ANKRD13A: variants seen among roughly 807,000 people sequenced by gnomAD.
ANKRD13A encodes the protein ankyrin repeat domain-containing protein 13A.
A neutral mutation model predicts 81.3 loss-of-function variants in ANKRD13A; 48 were observed. That is an observed-to-expected ratio of 0.59 (90% CI 0.47 to 0.75). The LOEUF (loss-of-function observed/expected upper bound fraction) is 0.75. ANKRD13A is among the 30% of genes least tolerant of loss of function. ANKRD13A has a pLI of 0.00. For synonymous variants in ANKRD13A, 230 were observed against 270.1 expected, an observed-to-expected ratio of 0.85 and a Z score of 1.45; for missense variants, 612 against 734.0, an observed-to-expected ratio of 0.83 and a Z score of 1.92.
intron 1 of ANKRD13A, among the ~76,000 whole-genome samples, chr12:110,011,476 C>G (rs1890520722): frequency 6.6e-6 from 1 of 152,218 alleles, no homozygotes; most frequent in Non-Finnish European, 1.5e-5. Flanking sequence ...TTATGTGCTA[C>G]TTCAAGGCAC....
chr12:110,004,453 T>A (rs1312933545), intron 1 of ANKRD13A, among the ~76,000 whole-genome samples: 1 of 151,594 alleles, frequency 6.6e-6, no homozygotes, highest in Non-Finnish European at 1.5e-5. Flanking sequence ...CCGTCTCTAC[T>A]AAAAATACAA....
At chr12:110,010,193 C>A (rs999133809) in intron 1 of ANKRD13A, among the ~76,000 whole-genome samples, 1 of 152,164 alleles carries the variant, frequency 6.6e-6, no homozygotes, top group Non-Finnish European at 1.5e-5. Flanking sequence ...CCTTACTCTG[C>A]GCTTTTAGTT....
chr12:110,020,320 C>T (rs1373213866), intron 6 of ANKRD13A, among the ~76,000 whole-genome samples: 1 of 152,198 alleles, frequency 6.6e-6, no homozygotes, highest in Non-Finnish European at 1.5e-5. Flanking sequence ...ATGAATATAA[C>T]AACTGTCCTC....
intron 2 of ANKRD13A, 108 bp downstream of exon 2, chr12:110,012,245 G>A: frequency 7.7e-7 from 1 of 1,299,372 alleles, no homozygotes; most frequent in Non-Finnish European, 1.0e-6. Context: ...CATGTCTGTA[G>A]TACCAGCTAC....
chr12:110,030,846 G>A lies in ANKRD13A; in HGVS notation c.1348+88G>A, dbSNP rs367685556. On this transcript the variant is annotated intron_variant, in intron 12 of 14. Transcript: ENST00000261739. ...GTGGTGGCTTATGCCTGTAATCCCAGCACTTTGGGAGGCCGAGGTGGGTGG... is the reference window on the plus strand; with the variant it reads ...GTGGTGGCTTATGCCTGTAATCCCAACACTTTGGGAGGCCGAGGTGGGTGG... 75 of 748,426 alleles carry A rather than the reference G, an allele frequency of 1.0e-4. No homozygotes were observed. The East Asian group carries it at 2.1e-3, about 21-fold the overall frequency. The allele number at this position is 748,426 out of a possible 1,614,324, so 46.4% of individuals were successfully genotyped here.
At chr12:110,013,013 C>CA in intron 2 of ANKRD13A, 112 bp from the exon 3 acceptor site, 30 of 1,135,470 alleles carry the variant, frequency 2.6e-5, no homozygotes, top group Non-Finnish European at 3.8e-5. Flanking sequence ...GGTTGGACTG[C>CA]AGCCCTTTTC....
intron 12 of ANKRD13A, 123 bp from the exon 13 acceptor site, chr12:110,033,674 A>C (rs916269108): frequency 1.1e-5 from 10 of 895,706 alleles, no homozygotes; most frequent in Non-Finnish European, 1.6e-5. Context: ...CTCTCATATA[A>C]TAGTAAGCCT....
Position 110,024,034 on chromosome 12 carries a change from A to T in ANKRD13A, c.735-12A>T. The T allele has an allele frequency of 6.2e-7, 1 of 1,612,898 alleles. No individual in the cohort carries two copies. Among genetic ancestry groups the T allele is most frequent in the Non-Finnish European group, 8.5e-7 (1 of 1,179,458 alleles). On this transcript the variant is annotated splice_polypyrimidine_tract_variant and intron_variant, in intron 6 of 14. Transcript: ENST00000261739. ...GTACATGTAGAAATTTGTGGTGTTCACTTTTTATCAGAACTAAATCCGGAT... is the reference window on the plus strand; with the variant it reads ...GTACATGTAGAAATTTGTGGTGTTCTCTTTTTATCAGAACTAAATCCGGAT...
rs758058505 is a variant in ANKRD13A at position 110,012,089 on chromosome 12, C to T, written c.181C>T (p.Leu61Phe). ...ACATTTGGAATCTGCTCGAGTCTTA[C>T]TCCGACATAAAGCAGATGTGACAAA... is the stretch of plus-strand genomic sequence containing the variant. The part of the protein sequence containing the change: ...LGHLESARVL[L>F]RHKADVTKEN... The change falls in exon 2 of 15, where the codon CTC (leucine) becomes TTC (phenylalanine). Residue 61 changes from leucine to phenylalanine, a missense_variant. By Grantham distance (22) the Leu-to-Phe change is conservative. Transcript: ENST00000261739. 1.9e-6 allele frequency: 3 copies of T among 1,613,130 alleles called. No homozygotes were observed. The highest frequency in any genetic ancestry group is 4.5e-5 in the East Asian group (2 of 44,892).
At chr12:110,003,118 A>T (rs1360520374) in intron 1 of ANKRD13A, among the ~76,000 whole-genome samples, 1 of 152,168 alleles carries the variant, frequency 6.6e-6, no homozygotes, top group African/African-American at 2.4e-5. Flanking sequence ...CTTCTTACTG[A>T]TGGTGAGACA....
intron 1 of ANKRD13A, among the ~76,000 whole-genome samples, chr12:110,005,613 A>C (rs1481359278): frequency 6.6e-6 from 1 of 152,112 alleles, no homozygotes; most frequent in Non-Finnish European, 1.5e-5. Context: ...TACTTAGCAT[A>C]ATGTTTTGGA....
chr12:110,018,415 C>T lies in ANKRD13A; in HGVS notation c.471C>T (p.Val157=), dbSNP rs747331296. Residue 157 remains valine (V), a synonymous_variant, in exon 5 of 15, where the codon GTC becomes GTT. Transcript: ENST00000261739. This position sits in a 1 kb window ranked among gnomAD's most constrained non-coding sequence, Gnocchi z 4.4. ...GGAAAAGTGGTGCCAAACTGCGCGT[C>T]GATATCACATTGCTGGGATTTGAAA... ...RIWKSGAKLR[V]DITLLGFENM... is the part of the protein sequence containing the mutation. 26 of 1,613,904 alleles carry T rather than the reference C, an allele frequency of 1.6e-5. No individual in the cohort carries two copies. Among genetic ancestry groups the T allele is most frequent in the South Asian group, 4.4e-5 (4 of 91,076 alleles).
rs1872636254 is a variant in ANKRD13A at position 110,027,744 on chromosome 12, A to C, written c.923A>C (p.Glu308Ala). 1 of 1,614,188 alleles carries C rather than the reference A, an allele frequency of 6.2e-7. No individual in the cohort carries two copies. Among genetic ancestry groups the C allele is most frequent in the Non-Finnish European group, 8.5e-7 (1 of 1,180,028 alleles). The change falls in exon 9 of 15, where the codon GAA becomes GCA. Residue 308 changes from glutamate (E) to alanine (A), a missense_variant. Coordinates refer to ENST00000261739, the MANE Select transcript of ANKRD13A (RefSeq NM_033121.2). ...CTGGAATCTTTGCTGGGAACTGTGGAACACCAATTTGGTGCACAAGGGGTA... is the reference window on the plus strand; with the variant it reads ...CTGGAATCTTTGCTGGGAACTGTGGCACACCAATTTGGTGCACAAGGGGTA... ...NPLESLLGTV[E>A]HQFGAQGDLT...
chr12:110,005,719 C>T (rs1593197367), intron 1 of ANKRD13A, among the ~76,000 whole-genome samples: 1 of 152,084 alleles, frequency 6.6e-6, no homozygotes, highest in South Asian at 2.1e-4. Flanking sequence ...GTTTGTTAGA[C>T]GAAAATGTTT....
chr12:110,032,905 G>T (rs1891780522), intron 12 of ANKRD13A: 1 of 152,124 alleles, frequency 6.6e-6, no homozygotes, highest in Non-Finnish European at 1.5e-5. Context: ...CAAACTATTA[G>T]GATGATATAC....
At chr12:110,016,545 T>G in intron 4 of ANKRD13A, 112 bp downstream of exon 4, 1 of 1,010,484 alleles carries the variant, frequency 9.9e-7, no homozygotes, top group Non-Finnish European at 1.4e-6. Context: ...GTCAAGGAAA[T>G]ACATAGTGAA....
rs1239114286 is a variant in ANKRD13A at position 110,039,333 on chromosome 12, G to A, written c.*1779G>A. On this transcript the variant is annotated 3_prime_UTR_variant, in exon 15 of 15. Transcript: ENST00000261739. ...TCTCCCCAGGAATTCACTTAAAAAG[G>A]GACTGAGCATTGTGTCAACCTGTTG... is the stretch of plus-strand genomic sequence containing the variant. 6.6e-6 allele frequency: 1 copy of A among 152,110 alleles called. No individual in the cohort carries two copies. The highest frequency in any genetic ancestry group is 1.5e-5 in the Non-Finnish European group (1 of 68,008). 9.4% of individuals were successfully genotyped at this position (152,110 alleles called of 1,614,324 possible). A position where few individuals can be genotyped will look rare whatever the true frequency, so the allele number is the denominator to read the frequency against.
chr12:110,011,980 G>A, intron 1 of ANKRD13A, 25 bp from the exon 2 acceptor site: 1 of 1,574,464 alleles, frequency 6.4e-7, no homozygotes, highest in Non-Finnish European at 8.7e-7. Flanking sequence ...ATCCAATTAT[G>A]TAAATGCCAG....
rs761398140 is a variant in ANKRD13A at position 110,014,789 on chromosome 12, C to CTTTTTTTTTTTTTTTTT, written c.354+1552_354+1553insTTTTTTTTTTTTTTTTT. On this transcript the variant is annotated intron_variant, in intron 3 of 14. Coordinates refer to ENST00000261739, the MANE Select transcript of ANKRD13A (RefSeq NM_033121.2). ...ACCTGGAATTTCTAGCATTTCTCTT[C>CTTTTTTTTTTTTTTTTT]TTTTTTTTTTTTGAGACGGAATCTC... 1.8e-3 allele frequency among the ~76,000 whole-genome samples: 244 copies of CTTTTTTTTTTTTTTTTT among 135,638 alleles called. 11 individuals are homozygous for CTTTTTTTTTTTTTTTTT. Among genetic ancestry groups the CTTTTTTTTTTTTTTTTT allele is most frequent in the African/African-American group, 4.5e-3 (145 of 32,368 alleles). The allele number at this position is 135,638 out of a possible 152,430, so 89.0% of individuals were successfully genotyped here.
Sources: gnomAD v4.1 joint callset for allele counts (sites outside exome capture counted in the v4.1 genomes callset) on GRCh38, gnomAD v4.1.1 for gene constraint, Gnocchi (gnomAD v3.1) non-coding constraint, MANE v1.5 for transcripts, NCBI Gene and HGNC (gene_info 2026-07-23, HGNC 2026-07-21) for gene names.